Variants in NALF1 observed in about 807,000 individuals in gnomAD.
The protein encoded by NALF1 is family with sequence similarity 155 member A.
NALF1 carries 3 observed loss-of-function variants against 48.4 expected under a neutral mutation model. The observed-to-expected ratio is 0.06, with a 90% confidence interval of 0.03 to 0.16. The LOEUF (loss-of-function observed/expected upper bound fraction) is 0.16. Ranked by LOEUF, NALF1 falls within the 10% of genes least tolerant of loss-of-function variation. NALF1 has a pLI of 1.00. For synonymous variants in NALF1, 262 were observed against 245.7 expected, an observed-to-expected ratio of 1.07 and a Z score of -0.62; for missense variants, 526 against 571.5, an observed-to-expected ratio of 0.92 and a Z score of 0.81.
At chr13:107,374,624 G>T (rs1566315700) in intron 1 of NALF1, among the ~76,000 whole-genome samples, 2 of 152,142 alleles carry the variant, frequency 1.3e-5, no homozygotes, top group Non-Finnish European at 2.9e-5. Context: ...CTGAGGCTGT[G>T]CCGTAGTTTC....
chr13:107,341,945 G>A (rs1044206858), intron 1 of NALF1, among the ~76,000 whole-genome samples: 34 of 151,916 alleles, frequency 2.2e-4, no homozygotes, highest in African/African-American at 8.2e-4. Flanking sequence ...GTTTCTCACA[G>A]AGAGTAAATT....
At chr13:107,249,669 G>T (rs1880656246) in intron 1 of NALF1, among the ~76,000 whole-genome samples, 1 of 151,970 alleles carries the variant, frequency 6.6e-6, no homozygotes, top group Non-Finnish European at 1.5e-5. Flanking sequence ...ATAGATAATT[G>T]AACTTTTATT....
At chr13:107,680,779 G>C (rs183530739) in intron 1 of NALF1, among the ~76,000 whole-genome samples, 1 of 151,180 alleles carries the variant, frequency 6.6e-6, no homozygotes, top group African/African-American at 2.4e-5. Context: ...GCAAATGTAA[G>C]AATGTGTGTG....
intron 1 of NALF1, chr13:107,531,243 T>A (rs1043421723): frequency 1.2e-5 from 2 of 169,124 alleles, no homozygotes; most frequent in Admixed American, 1.3e-4. Context: ...ACAGGAGATT[T>A]GGGAGGTATT....
chr13:107,272,163 C>T (rs1410811634), intron 1 of NALF1, among the ~76,000 whole-genome samples: 1 of 150,506 alleles, frequency 6.6e-6, no homozygotes, highest in East Asian at 2.0e-4. Flanking sequence ...ATAAAATTAA[C>T]ATGTTTGCTG....
At chr13:107,370,955 C>T (rs557202392) in intron 1 of NALF1, among the ~76,000 whole-genome samples, 8 of 152,252 alleles carry the variant, frequency 5.3e-5, no homozygotes, top group African/African-American at 1.9e-4. Flanking sequence ...TAACTGCTCC[C>T]ATGGTTTAAT....
chr13:107,258,274 T>G (rs922870713), intron 1 of NALF1, among the ~76,000 whole-genome samples: 4 of 152,226 alleles, frequency 2.6e-5, no homozygotes, highest in Admixed American at 6.5e-5. Context: ...GCATTATTTT[T>G]ATATTTTATT....
At chr13:107,587,209 C>T (rs1878485078) in intron 1 of NALF1, among the ~76,000 whole-genome samples, 1 of 152,018 alleles carries the variant, frequency 6.6e-6, no homozygotes, top group Non-Finnish European at 1.5e-5. Context: ...GAACACAGAC[C>T]TCTCACAAGG....
chr13:107,364,299 T>C (rs1883114476), intron 1 of NALF1, among the ~76,000 whole-genome samples: 1 of 152,216 alleles, frequency 6.6e-6, no homozygotes, highest in Admixed American at 6.5e-5. Flanking sequence ...AAGATGGAAA[T>C]TACTTAATTT....
chr13:107,595,002 T>C (rs922182971), intron 1 of NALF1, among the ~76,000 whole-genome samples: 2 of 152,146 alleles, frequency 1.3e-5, no homozygotes, highest in African/African-American at 4.8e-5. Context: ...TTATATAATT[T>C]CAAATTTTAA....
At chr13:107,831,430 T>G (rs181320751) in intron 1 of NALF1, among the ~76,000 whole-genome samples, 1 of 152,294 alleles carries the variant, frequency 6.6e-6, no homozygotes, top group Admixed American at 6.5e-5. Flanking sequence ...TGTATAATAA[T>G]TTGCAGAGAT....
At chr13:107,185,264 T>C (rs1354278456) in intron 2 of NALF1, among the ~76,000 whole-genome samples, 2 of 152,156 alleles carry the variant, frequency 1.3e-5, no homozygotes, top group Non-Finnish European at 2.9e-5. Context: ...ACTTGGTTAA[T>C]CTATCTAGTT....
At chr13:107,576,560 C>T (rs9301238) in intron 1 of NALF1, among the ~76,000 whole-genome samples, 19,467 of 152,178 alleles carry the variant, frequency 0.13, 1,593 homozygotes, top group South Asian at 0.2. Flanking sequence ...TTGTGATAGG[C>T]TACAGTAAGA....
At chr13:107,620,567 T>G (rs1412807862) in intron 1 of NALF1, among the ~76,000 whole-genome samples, 1 of 152,182 alleles carries the variant, frequency 6.6e-6, no homozygotes, top group Non-Finnish European at 1.5e-5. Flanking sequence ...CTGATACTGT[T>G]GCACCAAAAT....
At chr13:107,634,184 G>C (rs1879913463) in intron 1 of NALF1, among the ~76,000 whole-genome samples, 1 of 152,026 alleles carries the variant, frequency 6.6e-6, no homozygotes, top group Non-Finnish European at 1.5e-5. Flanking sequence ...TTTAGTGACA[G>C]ACCTCTGGAA....
chr13:107,529,780 C>T (rs534370367), intron 1 of NALF1, among the ~76,000 whole-genome samples: 5 of 152,114 alleles, frequency 3.3e-5, no homozygotes, highest in African/African-American at 9.6e-5. Context: ...ACGGGCATCA[C>T]CTGAAGGAAA....
At chr13:107,848,271 G>A (rs1174609895) in intron 1 of NALF1, among the ~76,000 whole-genome samples, 2 of 152,114 alleles carry the variant, frequency 1.3e-5, no homozygotes, top group East Asian at 3.9e-4. Flanking sequence ...AGTATGGTTG[G>A]TAGGTACATG....
intron 1 of NALF1, among the ~76,000 whole-genome samples, chr13:107,822,112 G>A (rs901867286): frequency 6.6e-6 from 1 of 152,038 alleles, no homozygotes; most frequent in Non-Finnish European, 1.5e-5. Context: ...TCCTTAGAAA[G>A]CTAGCTCACT....
intron 1 of NALF1, among the ~76,000 whole-genome samples, chr13:107,407,227 G>A (rs145081083): frequency 0.014 from 2,113 of 151,886 alleles, 24 homozygotes; most frequent in South Asian, 0.033. Flanking sequence ...GTCATACCCC[G>A]CAAGCACAAG....
Sources: allele counts gnomAD v4.1 joint callset (sites outside exome capture counted in the v4.1 genomes callset), GRCh38; gene constraint gnomAD v4.1.1; transcripts MANE v1.5; gene names NCBI Gene and HGNC (gene_info 2026-07-23, HGNC 2026-07-21).